Variants in PWWP2A observed in about 807,000 individuals in gnomAD.
PWWP2A encodes PWWP domain-containing protein 2A.
A neutral mutation model predicts 48.5 loss-of-function variants in PWWP2A; 18 were observed. That is an observed-to-expected ratio of 0.37 (90% CI 0.26 to 0.55). PWWP2A has a LOEUF of 0.55. Ranked by LOEUF, PWWP2A falls within the 20% of genes least tolerant of loss-of-function variation. The probability of loss-of-function intolerance (pLI) is 0.81; values close to 1 mark genes in which losing one functional copy is unlikely to be tolerated. For synonymous variants in PWWP2A, 396 were observed against 387.7 expected (o/e 1.02, Z -0.25); for missense variants, 867 against 976.4 (o/e 0.89, Z 1.49).
chr5:160,064,143 A>G (rs918891682), intron 4 of PWWP2A, among the ~76,000 whole-genome samples: 5 of 151,474 alleles, frequency 3.3e-5, no homozygotes, highest in African/African-American at 1.2e-4. Context: ...TGATTTTTGT[A>G]TTTTTTGTAG....
rs555887463 is a variant in PWWP2A, at chr5:160,085,321, A to C, written c.1550-4551T>G. On this transcript the variant is annotated intron_variant, in intron 2 of 3. Transcript: ENST00000456329. ...GTCCCTGATATGCATTATAATTACA[A>C]GGTTTTTATTTGAGAAGAGGAAAAA... Among the ~76,000 whole-genome samples, 29 of 152,300 alleles carry C rather than the reference A, an allele frequency of 1.9e-4. 2 individuals are homozygous for C. In the South Asian group the frequency reaches 5.4e-3, roughly 28 times the overall value.
chr5:160,057,270 A>G (rs1757570000), downstream of PWWP2A, among the ~76,000 whole-genome samples: 1 of 152,200 alleles, frequency 6.6e-6, no homozygotes, highest in African/African-American at 2.4e-5. This position sits in a 1 kb window ranked among gnomAD's most constrained non-coding sequence, Gnocchi z 4.4. Flanking sequence ...ATACAGGCGT[A>G]CCTCAGAGAT....
intron 2 of PWWP2A, among the ~76,000 whole-genome samples, chr5:160,085,886 C>T (rs1289775338): frequency 6.6e-6 from 1 of 150,692 alleles, no homozygotes; most frequent in Non-Finnish European, 1.5e-5. Context: ...CGGCACAATC[C>T]TGGCTCACTG....
chr5:160,050,454 C>CA, the PWWP2A span, among the ~76,000 whole-genome samples: 1 of 151,808 alleles, frequency 6.6e-6, no homozygotes, highest in African/African-American at 2.4e-5. Flanking sequence ...CTTAAAAAAA[C>CA]AAAAAATACA....
chr5:160,112,747 A>G (rs1174739730), intron 1 of PWWP2A, among the ~76,000 whole-genome samples: 1 of 152,012 alleles, frequency 6.6e-6, no homozygotes, highest in African/African-American at 2.4e-5. Flanking sequence ...CTTGTGTCTA[A>G]GTGAACTGCC....
At chr5:160,051,848 TGAA>T in the PWWP2A span, among the ~76,000 whole-genome samples, 174 of 152,384 alleles carry the variant, frequency 1.1e-3, 1 homozygote, top group Admixed American at 3.3e-3. Context: ...ATTTCGCTGG[TGAA>T]GATCTGCCAT....
downstream of PWWP2A, among the ~76,000 whole-genome samples, chr5:160,087,488 G>C (rs1486705945): frequency 6.6e-6 from 1 of 152,024 alleles, no homozygotes; most frequent in Non-Finnish European, 1.5e-5. Flanking sequence ...CTGGAAGTGG[G>C]GTAATGCCAG....
chr5:160,076,749 C>T (rs1753905715), exon 4 of PWWP2A: 1 of 152,144 alleles, frequency 6.6e-6, no homozygotes, highest in African/African-American at 2.4e-5. Context: ...TAGGTAATTC[C>T]AAACTTACAC....
chr5:160,097,372 C>A (rs1755772787), intron 1 of PWWP2A, among the ~76,000 whole-genome samples: 1 of 140,002 alleles, frequency 7.1e-6, no homozygotes. Context: ...AAAGGCCAGG[C>A]ACAGTGGCTC....
downstream of PWWP2A, chr5:160,090,359 T>C (rs757654122): frequency 7.1e-6 from 7 of 983,974 alleles, no homozygotes; most frequent in Admixed American, 1.2e-4. Flanking sequence ...CTTTCTGAAC[T>C]TTAGATTTCA....
intron 2 of PWWP2A, among the ~76,000 whole-genome samples, chr5:160,085,062 T>G (rs1221395529): frequency 1.3e-5 from 2 of 152,158 alleles, no homozygotes; most frequent in African/African-American, 2.4e-5. Flanking sequence ...GGAGTTTCAC[T>G]CTGTTACCCA....
At chr5:160,101,967 G>T (rs569836370) in intron 1 of PWWP2A, among the ~76,000 whole-genome samples, 1 of 150,804 alleles carries the variant, frequency 6.6e-6, no homozygotes, top group East Asian at 2.0e-4. Context: ...AAAAGTAGCC[G>T]GGCGTGGTGG....
At chr5:160,067,758 G>A (rs996356071) in intron 2 of PWWP2A, among the ~76,000 whole-genome samples, 1 of 152,162 alleles carries the variant, frequency 6.6e-6, no homozygotes, top group Non-Finnish European at 1.5e-5. Flanking sequence ...TCCAACATTT[G>A]TAAGAAAAGA....
chr5:160,080,747 G>A (rs1343356359), exon 3 of PWWP2A: 6 of 1,564,340 alleles, frequency 3.8e-6, no homozygotes, highest in African/African-American at 2.7e-5. Flanking sequence ...ACTGTCTGAT[G>A]TAATAGCTGC....
chr5:160,063,235 T>C (rs1225719799), intron 5 of PWWP2A, among the ~76,000 whole-genome samples: 2 of 152,162 alleles, frequency 1.3e-5, no homozygotes, highest in African/African-American at 4.8e-5. Flanking sequence ...GTAAAGGCCA[T>C]GCGTTTTTTT....
rs1053737386 is a variant in PWWP2A at position 160,118,988 on chromosome 5, G to A, written c.401C>T (p.Pro134Leu). ...CGCCGGGGCTACGGGCTGAGGCAGC[G>A]GCGGCTCCTCGCGCTCCTCGGGAGC... ...PPAPEEREEPPLPQPVAPALV... is the reference protein window; with the variant it reads ...PPAPEEREEPLLPQPVAPALV... Residue 134 changes from proline to leucine, a missense_variant, in exon 1 of 2, where the codon CCG becomes CTG. Physicochemically the swap from Pro to Leu is moderately conservative, Grantham distance 98. Around this residue, in one of 4 missense-constraint regions of PWWP2A, gnomAD observed 385 missense variants for 396.9 expected, o/e 0.97. Transcript: ENST00000307063. 5.6e-6 allele frequency: 9 copies of A among 1,597,278 alleles called. No individual in the cohort carries two copies. The highest frequency in any genetic ancestry group is 3.4e-5 in the Admixed American group (2 of 58,726).
downstream of PWWP2A, among the ~76,000 whole-genome samples, chr5:160,074,114 A>C (rs995754517): frequency 6.6e-6 from 1 of 151,614 alleles, no homozygotes; most frequent in Non-Finnish European, 1.5e-5. Flanking sequence ...ATTTGGCAGC[A>C]TGCTAATCAC....
At chr5:160,118,748 C>G in intron 1 of PWWP2A, 57 bp downstream of exon 1, 1 of 1,357,974 alleles carries the variant, frequency 7.4e-7, no homozygotes, top group Non-Finnish European at 9.5e-7. Flanking sequence ...GCCGCCCGGG[C>G]TCACTCCCTC....
the PWWP2A span, among the ~76,000 whole-genome samples, chr5:160,054,976 C>G: frequency 2.6e-5 from 4 of 152,198 alleles, no homozygotes; most frequent in African/African-American, 9.7e-5. Context: ...GCTCTGCCCT[C>G]AGGAGTCCCT....
Sources: allele counts gnomAD v4.1 joint callset (sites outside exome capture counted in the v4.1 genomes callset), GRCh38; gene constraint gnomAD v4.1.1; regional missense constraint gnomAD v4.1.1; non-coding constraint Gnocchi (gnomAD v3.1); transcripts MANE v1.5; gene names NCBI Gene and HGNC (gene_info 2026-07-23, HGNC 2026-07-21).